Variants in PPP1R3D observed in about 807,000 individuals in gnomAD.
PPP1R3D encodes the protein PP1 subunit R6.
Under a neutral mutation model 16.3 loss-of-function variants are expected in PPP1R3D, and 27 were observed. The ratio of observed to expected loss-of-function variants is 1.66; its 90% CI spans 1.22 to 2.29. The LOEUF is 2.29. PPP1R3D is among the 30% of genes most tolerant of loss of function. PPP1R3D has a pLI of 0.00. For synonymous variants in PPP1R3D, 223 were observed against 209.7 expected (o/e 1.06, Z -0.55); for missense variants, 472 against 438.3 (o/e 1.08, Z -0.69).
At position 59,939,890 on chromosome 20, in the gene PPP1R3D, C is replaced by G; in HGVS notation, c.42G>C (p.Leu14=). The change falls in exon 1 of 1, where the codon CTG becomes CTC. Residue 14 remains leucine, a synonymous_variant. Coordinates refer to ENST00000370996, the MANE Select transcript of PPP1R3D (RefSeq NM_006242.4). ...GPSSAVLPSA[L]GSRKLGPRSL... ...TCCGGGGGCCGAGCTTCCGGGATCC[C>G]AGGGCGCTAGGCAGGACCGCGGAGC... The G allele has an allele frequency of 8.0e-7, 1 of 1,253,590 alleles. No individual in the cohort carries two copies. The highest frequency in any genetic ancestry group is 3.8e-5 in the South Asian group (1 of 26,088). 77.7% of individuals were successfully genotyped at this position (1,253,590 alleles called of 1,614,324 possible).
rs1439022454 is a variant in PPP1R3D, at chr20:59,938,464, C to G, written c.*568G>C. ...TTAGAAGGCTACAGCCGTTGGCAAT[C>G]AGATGTGGGCTCAGGTTTTCCTTAT... On this transcript the variant is annotated 3_prime_UTR_variant, in exon 1 of 1. Coordinates refer to ENST00000370996, the MANE Select transcript of PPP1R3D (RefSeq NM_006242.4). The G allele has an allele frequency of 1.3e-5, 2 of 152,392 alleles. No homozygotes were observed. The highest frequency in any genetic ancestry group is 2.9e-5 in the Non-Finnish European group (2 of 68,058). The allele number at this position is 152,392 out of a possible 1,614,324, so 9.4% of individuals were successfully genotyped here.
rs564363978 is a variant in PPP1R3D, at chr20:59,936,904, G to C, written c.*2128C>G. 86 of 152,550 alleles carry C rather than the reference G, an allele frequency of 5.6e-4. No homozygotes were observed. The highest frequency in any genetic ancestry group is 2.0e-3 in the African/African-American group (82 of 41,522). The allele number at this position is 152,550 out of a possible 1,614,324, so 9.4% of individuals were successfully genotyped here. On this transcript the variant is annotated 3_prime_UTR_variant, in exon 1 of 1. Coordinates refer to ENST00000370996, the MANE Select transcript of PPP1R3D (RefSeq NM_006242.4). ...TAAATAACATATTAAAATATGTTTG[G>C]GGGGACAACCCAGCAATTGCACAGC...
rs1378934082 is a variant in PPP1R3D at position 59,938,761 on chromosome 20, A to G, written c.*271T>C. ...CTGCTTGGGCCTCCCCAGAGGGCCC[A>G]CCCTCCCATGCACCTACCCCACCAC... On this transcript the variant is annotated 3_prime_UTR_variant, in exon 1 of 1. Transcript: ENST00000370996. 3.2e-6 allele frequency: 1 copy of G among 309,908 alleles called. No individual in the cohort carries two copies. Among genetic ancestry groups the G allele is most frequent in the Non-Finnish European group, 5.9e-6 (1 of 170,684 alleles). 19.2% of individuals were successfully genotyped at this position (309,908 alleles called of 1,614,324 possible). A position where few individuals can be genotyped will look rare whatever the true frequency, so the allele number is the denominator to read the frequency against.
Position 59,939,502 on chromosome 20 carries a change from T to A in PPP1R3D, c.430A>T (p.Ser144Cys), listed in dbSNP as rs2060884874. ...AGGGTGAACTCCAGGTCCTGGCTGC[T>A]GCAGCACAGGTCCGAGTTGATTGCG... Reference protein sequence around the residue: ...RLAINSDLCCSSQDLEFTLHC... With the variant: ...RLAINSDLCCCSQDLEFTLHC... Residue 144 changes from serine (S) to cysteine (C), a missense_variant, in exon 1 of 1, where the codon AGC (serine) becomes TGC (cysteine). Physicochemically the swap from Ser to Cys is moderately radical, Grantham distance 112. Coordinates refer to ENST00000370996, the MANE Select transcript of PPP1R3D (RefSeq NM_006242.4). 2 of 1,612,084 alleles carry A rather than the reference T, an allele frequency of 1.2e-6. No homozygotes were observed. The highest frequency in any genetic ancestry group is 1.7e-6 in the Non-Finnish European group (2 of 1,179,758).
At position 59,938,904 on chromosome 20, in the gene PPP1R3D, G is replaced by T; in HGVS notation, c.*128C>A. 1 of 911,554 alleles carries T rather than the reference G, an allele frequency of 1.1e-6. No individual in the cohort carries two copies. Among genetic ancestry groups the T allele is most frequent in the Non-Finnish European group, 1.5e-6 (1 of 656,858 alleles). The allele number at this position is 911,554 out of a possible 1,614,324, so 56.5% of individuals were successfully genotyped here. A position where few individuals can be genotyped will look rare whatever the true frequency, so the allele number is the denominator to read the frequency against. On this transcript the variant is annotated 3_prime_UTR_variant, in exon 1 of 1. Transcript: ENST00000370996. ...TGGGCCACTGCCAGGGGACCTTGCA[G>T]CAGAAAATTAGGTCAGAGGACTTGG...
At position 59,939,490 on chromosome 20, in the gene PPP1R3D, G is replaced by A. The variant is rs555670934; in HGVS notation, c.442C>T (p.Leu148=). 1.2e-6 allele frequency: 2 copies of A among 1,612,246 alleles called. No homozygotes were observed. The highest frequency in any genetic ancestry group is 2.7e-5 in the African/African-American group (2 of 75,046). The stretch of plus-strand genomic sequence containing the variant: ...ACCAGGCAATGCAGGGTGAACTCCA[G>A]GTCCTGGCTGCTGCAGCACAGGTCC... The part of the protein sequence containing the change: ...NSDLCCSSQD[L]EFTLHCLVPD... Residue 148 remains leucine (L), a synonymous_variant, in exon 1 of 1, where the codon CTG becomes TTG. Coordinates refer to ENST00000370996, the MANE Select transcript of PPP1R3D (RefSeq NM_006242.4).
At position 59,939,521 on chromosome 20, in the gene PPP1R3D, G is replaced by A; in HGVS notation, c.411C>T (p.Ile137=). ...GGCTGCTGCAGCACAGGTCCGAGTT[G>A]ATTGCGAGCCGCGACAGCACGTGCA... is the stretch of plus-strand genomic sequence containing the variant. ...VPLHVLSRLA[I]NSDLCCSSQD... Residue 137 remains isoleucine (I), a synonymous_variant, in exon 1 of 1, where the codon ATC becomes ATT. Coordinates refer to ENST00000370996, the MANE Select transcript of PPP1R3D (RefSeq NM_006242.4). 1.9e-6 allele frequency: 3 copies of A among 1,612,042 alleles called. No individual in the cohort carries two copies. The highest frequency in any genetic ancestry group is 2.5e-6 in the Non-Finnish European group (3 of 1,179,634).
Sources: allele counts gnomAD v4.1 joint callset, GRCh38; gene constraint gnomAD v4.1.1; transcripts MANE v1.5; gene names NCBI Gene and HGNC (gene_info 2026-07-23, HGNC 2026-07-21).